Variants in IL4I1 observed in about 807,000 individuals in gnomAD.
IL4I1 encodes interleukin 4 induced 1.
In IL4I1, 24 loss-of-function variants were observed where a neutral mutation model predicts 29.7. The ratio of observed to expected loss-of-function variants is 0.81; its 90% CI spans 0.59 to 1.14. IL4I1 has a LOEUF of 1.14. Ranked by LOEUF, IL4I1 falls within the 50% of genes most tolerant of loss-of-function variation. The pLI is 0.00. For missense variants in IL4I1, 686 were observed against 785.6 expected (o/e 0.87, Z 1.52); for synonymous variants, 371 against 352.5 (o/e 1.05, Z -0.59).
At chr19:49,904,871 G>A (rs775436533) in intron 2 of IL4I1, among the ~76,000 whole-genome samples, 67 of 152,168 alleles carry the variant, frequency 4.4e-4, no homozygotes, top group Non-Finnish European at 8.2e-4. Flanking sequence ...CACCACACCC[G>A]GCTAATTTTT....
intron 2 of IL4I1, among the ~76,000 whole-genome samples, chr19:49,916,612 A>C (rs1329841046): frequency 6.6e-6 from 1 of 151,984 alleles, no homozygotes; most frequent in Non-Finnish European, 1.5e-5. Flanking sequence ...ATACAAAAAA[A>C]AATTAGCCAG....
upstream of IL4I1, chr19:49,896,888 G>C (rs541928089): frequency 1.0e-6 from 1 of 985,538 alleles, no homozygotes; most frequent in East Asian, 1.1e-4. Flanking sequence ...GCCCTCCACT[G>C]TCTCTGCTGT....
At chr19:49,909,152 G>A in intron 2 of IL4I1, 1 of 1,613,266 alleles carries the variant, frequency 6.2e-7, no homozygotes, top group East Asian at 2.2e-5. Context: ...AAAGAGGCTG[G>A]GCCCAGTGCT....
At chr19:49,926,131 C>A (rs1028258638) in intron 2 of IL4I1, among the ~76,000 whole-genome samples, 3 of 147,186 alleles carry the variant, frequency 2.0e-5, no homozygotes, top group African/African-American at 7.7e-5. Flanking sequence ...ATGGCTTGAA[C>A]CTGGGAGGCG....
At chr19:49,894,039 T>C (rs2075173067) in intron 5 of IL4I1, among the ~76,000 whole-genome samples, 2 of 146,368 alleles carry the variant, frequency 1.4e-5, no homozygotes, top group South Asian at 4.3e-4. Context: ...GACCCATATG[T>C]GTAGAAGCCC....
At position 49,895,146 on chromosome 19, in the gene IL4I1, C is replaced by A. The variant is rs749505974; in HGVS notation, c.287G>T (p.Gly96Val). Residue 96 changes from glycine (G) to valine (V), a missense_variant, in exon 4 of 8, where the codon GGC becomes GTC. Physicochemically the swap from Gly to Val is moderately radical, Grantham distance 109. Transcript: ENST00000391826. Reference sequence around the variant, plus strand: ...CTGGTCCCGGTAGGTGAAGATGCGGCCCCCGATCCTGTTATCTGCCTCCAG... The same window carrying A: ...CTGGTCCCGGTAGGTGAAGATGCGGACCCCGATCCTGTTATCTGCCTCCAG... The part of the protein sequence containing the change: ...TILEADNRIG[G>V]RIFTYRDQNT... The A allele has an allele frequency of 5.0e-6, 8 of 1,613,754 alleles. No individual in the cohort carries two copies. Among genetic ancestry groups the A allele is most frequent in the Non-Finnish European group, 6.8e-6 (8 of 1,179,804 alleles).
At chr19:49,910,687 G>C (rs1033237219) in intron 2 of IL4I1, among the ~76,000 whole-genome samples, 1 of 149,596 alleles carries the variant, frequency 6.7e-6, no homozygotes, top group African/African-American at 2.5e-5. Flanking sequence ...GGGACATCAC[G>C]GGAGACCATG....
Position 49,925,035 on chromosome 19 carries a change from G to A in IL4I1, c.-228+2659C>T, listed in dbSNP as rs2075852872. 2.0e-5 allele frequency among the ~76,000 whole-genome samples: 3 copies of A among 152,310 alleles called. No individual in the cohort carries two copies. In the South Asian group the frequency reaches 6.2e-4, roughly 32 times the overall value. ...CCAGCACTTTGGGAGGCTGAGGCGG[G>A]TGGATCGCCTGAGTTCGGGAGTTCG... On this transcript the variant is annotated intron_variant, in intron 2 of 9. Coordinates refer to the IL4I1 transcript ENST00000341114.
intron 2 of IL4I1, among the ~76,000 whole-genome samples, chr19:49,919,964 G>C (rs1244558742): frequency 6.6e-6 from 1 of 151,674 alleles, no homozygotes; most frequent in Non-Finnish European, 1.5e-5. Context: ...GTCTCACTCT[G>C]TCTCCCAGGC....
intron 2 of IL4I1, chr19:49,927,553 C>G (rs1366561004): frequency 6.6e-6 from 1 of 152,128 alleles, no homozygotes; most frequent in Non-Finnish European, 1.5e-5. Context: ...TAACACAGCC[C>G]CTATAGGCCC....
intron 2 of IL4I1, chr19:49,906,849 T>G (rs2075332535): frequency 6.6e-6 from 1 of 152,226 alleles, no homozygotes; most frequent in African/African-American, 2.4e-5. Context: ...TACATTTATT[T>G]AGAAAAGCAA....
intron 2 of IL4I1, chr19:49,909,357 G>C (rs1250608577): frequency 1.9e-6 from 3 of 1,613,818 alleles, no homozygotes. Context: ...GTGGTAGCTG[G>C]AGCCACAGAG....
chr19:49,924,689 A>G (rs1209532503), intron 2 of IL4I1, among the ~76,000 whole-genome samples: 1 of 152,180 alleles, frequency 6.6e-6, no homozygotes, highest in East Asian at 1.9e-4. Flanking sequence ...GGGTTCGAAG[A>G]TCTGGGGAGA....
chr19:49,915,025 C>G (rs1225043396), intron 2 of IL4I1, among the ~76,000 whole-genome samples: 2 of 152,000 alleles, frequency 1.3e-5, no homozygotes, highest in Admixed American at 1.3e-4. Flanking sequence ...CAGGAGTGAG[C>G]CACTGTGCCC....
intron 5 of IL4I1, among the ~76,000 whole-genome samples, chr19:49,893,985 CAAAAAAAAA>C (rs996597872): frequency 4.1e-4 from 8 of 19,674 alleles, no homozygotes; most frequent in Non-Finnish European, 7.0e-4. Flanking sequence ...GACTCCATCT[CAAAAAAAAA>C]AAAAAAAAAA....
chr19:49,894,817 G>A (rs1389886288), intron 4 of IL4I1, among the ~76,000 whole-genome samples: 1 of 152,100 alleles, frequency 6.6e-6, no homozygotes, highest in Non-Finnish European at 1.5e-5. Flanking sequence ...CAGGCCTGGA[G>A]GGGCCAGCAC....
Position 49,918,901 on chromosome 19 carries a change from G to T in IL4I1, c.-228+8793C>A, listed in dbSNP as rs1199658031. ...TCCCAGCACTTTGGGAGGCTGGGGG[G>T]GGGGGGGCGGGGTGTGGGGGGGCGG... On this transcript the variant is annotated intron_variant, in intron 2 of 9. Coordinates refer to the IL4I1 transcript ENST00000341114. Among the ~76,000 whole-genome samples, 233 of 149,416 alleles carry T rather than the reference G, an allele frequency of 1.6e-3. 3 individuals are homozygous for T. The highest frequency in any genetic ancestry group is 5.3e-3 in the African/African-American group (217 of 40,698).
At chr19:49,891,156 C>G in intron 6 of IL4I1, 49 bp from the exon 7 acceptor site, 2 of 1,592,122 alleles carry the variant, frequency 1.3e-6, no homozygotes, top group Non-Finnish European at 1.7e-6. Context: ...GGCTGCACCC[C>G]TGAGAGAGCC....
intron 2 of IL4I1, among the ~76,000 whole-genome samples, chr19:49,914,046 C>T (rs537903763): frequency 2.6e-5 from 4 of 152,262 alleles, no homozygotes; most frequent in Non-Finnish European, 2.9e-5. Flanking sequence ...ACCACAGGGT[C>T]TGTCCAGGTT....
Sources: allele counts gnomAD v4.1 joint callset (sites outside exome capture counted in the v4.1 genomes callset), GRCh38; gene constraint gnomAD v4.1.1; transcripts MANE v1.5; gene names NCBI Gene and HGNC (gene_info 2026-07-23, HGNC 2026-07-21).